RYR2: variants seen among roughly 807,000 people sequenced by gnomAD.
The protein encoded by RYR2 is cardiac muscle ryanodine receptor-calcium release channel.
Under a neutral mutation model 601.1 loss-of-function variants are expected in RYR2, and 227 were observed. The observed-to-expected ratio is 0.38, with a 90% CI of 0.34 to 0.42. The LOEUF is 0.42. Among genes scored for constraint, RYR2 ranks in the 10% least tolerant of loss-of-function variants. The probability of loss-of-function intolerance (pLI) is 1.00; values close to 1 mark genes in which losing one functional copy is unlikely to be tolerated. For missense variants in RYR2, 4,646 were observed against 6,156.5 expected (o/e 0.75, Z 8.21); for synonymous variants, 2,223 against 2,175.1 (o/e 1.02, Z -0.61).
rs794728739 is a variant in RYR2, at chr1:237,614,040, T to A, written c.4912T>A (p.Ser1638Thr). Residue 1638 changes from serine (S) to threonine (T), a missense_variant and splice_region_variant, in exon 37 of 105, where the codon TCT (serine) becomes ACT (threonine). This residue lies in a region of RYR2 where 1,807 missense variants were observed against 2,088.1 expected (regional missense o/e 0.87). Transcript: ENST00000366574. The surrounding 1 kb of genome is among the most constrained non-coding windows in gnomAD (Gnocchi z 4.3). ...MSLHIPEENR[S>T]VDILELTEQE... is the part of the protein sequence containing the mutation. ...CTACCACTCTCCTCCCTTCTACAGA[T>A]CTGTTGACATCTTAGAGTTGACAGA... 11 of 1,610,822 alleles carry A rather than the reference T, an allele frequency of 6.8e-6. No individual in the cohort carries two copies. The highest frequency in any genetic ancestry group is 8.5e-6 in the Non-Finnish European group (10 of 1,177,352).
intron 101 of RYR2, among the ~76,000 whole-genome samples, chr1:237,825,635 G>A (rs1663005895): frequency 6.6e-6 from 1 of 152,086 alleles, no homozygotes; most frequent in Non-Finnish European, 1.5e-5. Context: ...AACACCAAAA[G>A]CAATGGCAAC....
At chr1:237,352,864 A>G (rs1209329880) in intron 3 of RYR2, 3 of 515,800 alleles carry the variant, frequency 5.8e-6, no homozygotes, top group East Asian at 1.1e-4. Flanking sequence ...GGATAGGTAT[A>G]CAAGGGTGGG....
At chr1:237,623,257 C>T (rs1414734950) in intron 38 of RYR2, among the ~76,000 whole-genome samples, 20 of 151,876 alleles carry the variant, frequency 1.3e-4, no homozygotes, top group Admixed American at 9.8e-4. Flanking sequence ...ATTTATTCTG[C>T]GGTACTGGTT....
chr1:237,579,631 A>G (rs1463291031), intron 29 of RYR2, among the ~76,000 whole-genome samples: 4 of 152,166 alleles, frequency 2.6e-5, no homozygotes, highest in Non-Finnish European at 5.9e-5. Flanking sequence ...AATAGGAAAA[A>G]AGTGCATTCT....
At chr1:237,504,482 A>G (rs1665006460) in intron 22 of RYR2, among the ~76,000 whole-genome samples, 1 of 152,230 alleles carries the variant, frequency 6.6e-6, no homozygotes, top group Non-Finnish European at 1.5e-5. Flanking sequence ...GAATGTCATC[A>G]GTTAAGGCTA....
At chr1:237,797,730 G>A (rs1296744410) in intron 96 of RYR2, among the ~76,000 whole-genome samples, 1 of 152,196 alleles carries the variant, frequency 6.6e-6, no homozygotes, top group Admixed American at 6.5e-5. Flanking sequence ...ATTTAGTAAA[G>A]GTCGTTCTCA....
At chr1:237,434,063 A>G (rs1429831628) in intron 12 of RYR2, among the ~76,000 whole-genome samples, 3 of 152,328 alleles carry the variant, frequency 2.0e-5, no homozygotes, top group East Asian at 3.9e-4. Context: ...TGAAATTCTG[A>G]AAAGAAAATC....
chr1:237,082,799 A>G (rs1665882841), intron 1 of RYR2, among the ~76,000 whole-genome samples: 1 of 151,990 alleles, frequency 6.6e-6, no homozygotes, highest in Non-Finnish European at 1.5e-5. Context: ...AGGTGTGAAT[A>G]CACGTTTTCA....
chr1:237,709,917 C>A (rs1688689096), intron 70 of RYR2, among the ~76,000 whole-genome samples: 1 of 152,162 alleles, frequency 6.6e-6, no homozygotes, highest in African/African-American at 2.4e-5. Context: ...CAATTTCCAA[C>A]AATAACCCAC....
intron 12 of RYR2, among the ~76,000 whole-genome samples, chr1:237,429,794 G>A (rs888222317): frequency 3.3e-5 from 5 of 151,984 alleles, no homozygotes; most frequent in African/African-American, 1.2e-4. Flanking sequence ...TGTGGTTGGG[G>A]GTGGGAGGGT....
chr1:237,354,985 G>C (rs1000692895), intron 3 of RYR2, among the ~76,000 whole-genome samples: 1 of 152,108 alleles, frequency 6.6e-6, no homozygotes, highest in African/African-American at 2.4e-5. Flanking sequence ...TAATCACTCT[G>C]TATGTTGCTT....
chr1:237,581,036 A>G (rs946481737), intron 29 of RYR2, among the ~76,000 whole-genome samples: 1 of 152,236 alleles, frequency 6.6e-6, no homozygotes, highest in East Asian at 1.9e-4. Context: ...CTACTCTTGC[A>G]TCCCCTACTA....
chr1:237,323,262 G>T (rs115426744), intron 2 of RYR2, among the ~76,000 whole-genome samples: 1 of 152,068 alleles, frequency 6.6e-6, no homozygotes, highest in Non-Finnish European at 1.5e-5. Context: ...CTACATCAGA[G>T]GAACCATTAG....
Position 237,757,717 on chromosome 1 carries a change from G to A in RYR2, c.11266G>A (p.Ala3756Thr), listed in dbSNP as rs942942966. Reference sequence around the variant, plus strand: ...CTTAGGTGAAACTGGACCAATGGTAGCAGCTACTCTGAAACTTGGAATTGC... The same window carrying A: ...CTTAGGTGAAACTGGACCAATGGTAACAGCTACTCTGAAACTTGGAATTGC... ...ASKGETGPMV[A>T]ATLKLGIAIL... is the part of the protein sequence containing the mutation. Residue 3756 changes from alanine (A) to threonine (T), a missense_variant, in exon 82 of 105, where the codon GCA becomes ACA. Ala to Thr is a moderately conservative substitution (Grantham distance 58). Around this residue, in one of 17 missense-constraint regions of RYR2, gnomAD observed 1,497 missense variants for 1,842.6 expected, o/e 0.81. Coordinates refer to ENST00000366574, the MANE Select transcript of RYR2 (RefSeq NM_001035.3). The A allele has an allele frequency of 1.9e-6, 3 of 1,610,802 alleles. No homozygotes were observed. Among genetic ancestry groups the A allele is most frequent in the Non-Finnish European group, 2.5e-6 (3 of 1,177,268 alleles).
intron 1 of RYR2, among the ~76,000 whole-genome samples, chr1:237,170,278 G>C (rs933966955): frequency 1.3e-5 from 2 of 152,186 alleles, no homozygotes; most frequent in African/African-American, 4.8e-5. Context: ...AAACTTCTAG[G>C]GGGAGAGCAT....
In RYR2 at chr1:237,613,961, A is replaced by G. The variant is rs192323986; in HGVS notation, c.4911-78A>G. ...CTTTTTTCCTTCAAATTTACAGTGC[A>G]TACTGATTTCTCCTCTGATTCAGAT... is the stretch of plus-strand genomic sequence containing the variant. On this transcript the variant is annotated intron_variant, in intron 36 of 104. Coordinates refer to ENST00000366574, the MANE Select transcript of RYR2 (RefSeq NM_001035.3). 1.0e-5 allele frequency: 14 copies of G among 1,359,556 alleles called. No homozygotes were observed. In the East Asian group the frequency reaches 1.2e-4, roughly 12 times the overall value. The allele number at this position is 1,359,556 out of a possible 1,614,324, so 84.2% of individuals were successfully genotyped here.
chr1:237,407,467 G>T (rs1352919604), intron 10 of RYR2, among the ~76,000 whole-genome samples: 2 of 152,038 alleles, frequency 1.3e-5, no homozygotes, highest in Non-Finnish European at 2.9e-5. Flanking sequence ...TCCAGGTTTT[G>T]GCCATTGTAA....
At chr1:237,418,233 A>G (rs1705208654) in intron 11 of RYR2, among the ~76,000 whole-genome samples, 8 of 151,994 alleles carry the variant, frequency 5.3e-5, no homozygotes, top group Admixed American at 5.2e-4. Context: ...TAGTAGAGAC[A>G]GGGTTTAACC....
intron 2 of RYR2, among the ~76,000 whole-genome samples, chr1:237,281,955 G>A (rs1481010801): frequency 2.0e-5 from 3 of 151,832 alleles, no homozygotes; most frequent in Non-Finnish European, 2.9e-5. Context: ...CAGAGGGCCC[G>A]CTGCCACCGT....
Sources: allele counts gnomAD v4.1 joint callset (sites outside exome capture counted in the v4.1 genomes callset), GRCh38; gene constraint gnomAD v4.1.1; regional missense constraint gnomAD v4.1.1; non-coding constraint Gnocchi (gnomAD v3.1); transcripts MANE v1.5; gene names NCBI Gene and HGNC (gene_info 2026-07-23, HGNC 2026-07-21).